The following DOT1L variants were observed in gnomAD, a reference collection of about 807,000 sequenced individuals.
DOT1L encodes DOT1 like histone lysine methyltransferase, also known as histone-lysine N-methyltransferase, H3 lysine-79 specific.
DOT1L carries 33 observed loss-of-function variants against 153.3 expected under a neutral mutation model. The observed-to-expected ratio is 0.22, with a 90% CI of 0.16 to 0.29. The LOEUF is 0.29. Among genes scored for constraint, DOT1L ranks in the 10% least tolerant of loss-of-function variants. DOT1L has a pLI of 1.00. For missense variants in DOT1L, 1,847 were observed against 2,119.9 expected (o/e 0.87, Z 2.53); for synonymous variants, 1,135 against 965.1 (o/e 1.18, Z -3.26).
chr19:2,223,795 C>T (rs1472721880), intron 25 of DOT1L, among the ~76,000 whole-genome samples: 1 of 152,212 alleles, frequency 6.6e-6, no homozygotes, highest in Non-Finnish European at 1.5e-5. Context: ...AGGTCTCATC[C>T]ACACGTCTTG....
chr19:2,206,598 G>A lies in DOT1L; in HGVS notation c.788-131G>A, dbSNP rs2023504931. On this transcript the variant is annotated intron_variant, in intron 9 of 27. Coordinates refer to ENST00000398665, the MANE Select transcript of DOT1L (RefSeq NM_032482.3). ...AAGGTGTTTCCTAGTGTTGCTTGTA[G>A]GCAGGTGGACAGGACCCGGAGCCCA... 8.9e-6 allele frequency: 7 copies of A among 790,470 alleles called. No homozygotes were observed. In the East Asian group the frequency reaches 1.8e-4, roughly 20 times the overall value. 49.0% of individuals were successfully genotyped at this position (790,470 alleles called of 1,614,324 possible).
At chr19:2,167,413 G>C (rs1056702095) in intron 1 of DOT1L, among the ~76,000 whole-genome samples, 14 of 152,362 alleles carry the variant, frequency 9.2e-5, no homozygotes, top group African/African-American at 2.6e-4. Context: ...CATGCCTGCT[G>C]CCCTGCCTGG....
chr19:2,218,422 C>T (rs2023982111), intron 22 of DOT1L, among the ~76,000 whole-genome samples: 2 of 152,212 alleles, frequency 1.3e-5, no homozygotes, highest in Admixed American at 6.5e-5. Context: ...CAGACGGAGT[C>T]TCACTCTGTC....
intron 24 of DOT1L, 152 bp from the exon 25 acceptor site, chr19:2,223,129 C>T (rs987111227): frequency 1.3e-6 from 1 of 760,928 alleles, no homozygotes; most frequent in Non-Finnish European, 2.1e-6. Context: ...CAGGAAGAAC[C>T]AGGACAGGGG....
At position 2,196,226 on chromosome 19, in the gene DOT1L, C is replaced by G. The variant is rs539122165; in HGVS notation, c.651+1649C>G. Among the ~76,000 whole-genome samples the G allele has an allele frequency of 2.6e-5, 4 of 152,394 alleles. No homozygotes were observed. The East Asian group carries it at 7.7e-4, about 29-fold the overall frequency. Reference sequence around the variant, plus strand: ...GGCCCCGATCCCTGGTGGCCCCGACCGGGGTCAGGAGCCCTTGCCAACTGG... The same window carrying G: ...GGCCCCGATCCCTGGTGGCCCCGACGGGGGTCAGGAGCCCTTGCCAACTGG... On this transcript the variant is annotated intron_variant, in intron 7 of 27. Coordinates refer to ENST00000398665, the MANE Select transcript of DOT1L (RefSeq NM_032482.3).
At position 2,220,253 on chromosome 19, in the gene DOT1L, ACT is replaced by A. The variant is rs780462140; in HGVS notation, c.2806+34_2806+35del. The stretch of plus-strand genomic sequence containing the variant: ...GCCCCTCCTGTGCCCTACCCTCAGG[ACT>A]CTGCTGCTGCTGCTGCTCTTCAGGC... On this transcript the variant is annotated intron_variant, in intron 23 of 27. Coordinates refer to ENST00000398665, the MANE Select transcript of DOT1L (RefSeq NM_032482.3). This position sits in a 1 kb window ranked among gnomAD's most constrained non-coding sequence, Gnocchi z 4.5. 6.3e-7 allele frequency: 1 copy of A among 1,590,040 alleles called. No homozygotes were observed. The highest frequency in any genetic ancestry group is 8.6e-7 in the Non-Finnish European group (1 of 1,165,640).
At chr19:2,209,599 G>T (rs1027932939) in intron 12 of DOT1L, among the ~76,000 whole-genome samples, 6 of 152,354 alleles carry the variant, frequency 3.9e-5, no homozygotes, top group African/African-American at 1.4e-4. Context: ...TTAAAGCAGC[G>T]GTGGGAAAGC....
intron 19 of DOT1L, chr19:2,215,573 T>A (rs968712911): frequency 6.6e-6 from 1 of 152,328 alleles, no homozygotes; most frequent in African/African-American, 2.4e-5. Context: ...TTCAAATGAC[T>A]GCACCAAACC....
Position 2,210,771 on chromosome 19 carries a change from G to A in DOT1L, c.1267G>A (p.Glu423Lys), listed in dbSNP as rs761926553. Reference sequence around the variant, plus strand: ...CAAGAAGATGAACACTGCGAACCCCGAGCGGAAGCCCAAGAAGAACCAAAC... The same window carrying A: ...CAAGAAGATGAACACTGCGAACCCCAAGCGGAAGCCCAAGAAGAACCAAAC... ...RPKKMNTANP[E>K]RKPKKNQTAL... The change falls in exon 14 of 28, where the codon GAG becomes AAG. Residue 423 changes from glutamate to lysine, a missense_variant. Coordinates refer to ENST00000398665, the MANE Select transcript of DOT1L (RefSeq NM_032482.3). The A allele has an allele frequency of 1.7e-5, 27 of 1,612,956 alleles. No homozygotes were observed. Among genetic ancestry groups the A allele is most frequent in the Non-Finnish European group, 2.3e-5 (27 of 1,180,006 alleles).
Position 2,209,685 on chromosome 19 carries a change from C to A in DOT1L, c.1005+709C>A, listed in dbSNP as rs59595430. Among the ~76,000 whole-genome samples the A allele has an allele frequency of 6.1e-3, 935 of 152,368 alleles. 7 individuals carry two copies. Among genetic ancestry groups the A allele is most frequent in the African/African-American group, 0.021 (875 of 41,594 alleles). ...CTCAGACCTGCCTGCTTATTTGCCACCAAAGCTGAGAGGATGTTTGTCCGG... is the reference window on the plus strand; with the variant it reads ...CTCAGACCTGCCTGCTTATTTGCCAACAAAGCTGAGAGGATGTTTGTCCGG... On this transcript the variant is annotated intron_variant, in intron 12 of 27. Transcript: ENST00000398665.
In DOT1L at chr19:2,173,307, C is replaced by T. The variant is rs118008856; in HGVS notation, c.82-7406C>T. 6.5e-4 allele frequency among the ~76,000 whole-genome samples: 99 copies of T among 152,264 alleles called. No individual in the cohort carries two copies. The East Asian group carries it at 0.011, about 17-fold the overall frequency. On this transcript the variant is annotated intron_variant, in intron 1 of 27. Coordinates refer to ENST00000398665, the MANE Select transcript of DOT1L (RefSeq NM_032482.3). ...CGGTGTCTGTCAGCCTGTGCTCAGA[C>T]GAGGGCGAGGAGAGTTCTGGTCAGC...
Position 2,207,477 on chromosome 19 carries a change from C to T in DOT1L, c.857-97C>T, listed in dbSNP as rs573880891. The T allele has an allele frequency of 1.6e-5, 16 of 1,029,834 alleles. No homozygotes were observed. The East Asian group carries it at 3.9e-4, about 25-fold the overall frequency. The allele number at this position is 1,029,834 out of a possible 1,614,324, so 63.8% of individuals were successfully genotyped here. A position where few individuals can be genotyped will look rare whatever the true frequency, so the allele number is the denominator to read the frequency against. On this transcript the variant is annotated intron_variant, in intron 10 of 27. Coordinates refer to ENST00000398665, the MANE Select transcript of DOT1L (RefSeq NM_032482.3). This position sits in a 1 kb window ranked among gnomAD's most constrained non-coding sequence, Gnocchi z 4.5. ...GGGAGAAGAGGGAAGACGCGCAGCTCAGGCTTCTGTCCCCACGCCTGCCCT... is the reference window on the plus strand; with the variant it reads ...GGGAGAAGAGGGAAGACGCGCAGCTTAGGCTTCTGTCCCCACGCCTGCCCT...
intron 1 of DOT1L, among the ~76,000 whole-genome samples, chr19:2,166,654 G>T (rs182098535): frequency 6.6e-6 from 1 of 152,176 alleles, no homozygotes; most frequent in Admixed American, 6.5e-5. Flanking sequence ...CAGGTGATCC[G>T]CCTGCCTTGG....
At chr19:2,171,613 ACCG>A (rs1283457789) in intron 1 of DOT1L, among the ~76,000 whole-genome samples, 1 of 152,032 alleles carries the variant, frequency 6.6e-6, no homozygotes, top group African/African-American at 2.4e-5. Flanking sequence ...CCGGGCACCG[ACCG>A]CCGCCGGGTG....
In DOT1L at chr19:2,222,760, C is replaced by T. The variant is rs945845906; in HGVS notation, c.3390+201C>T. The T allele has an allele frequency of 8.3e-5, 49 of 589,086 alleles. No homozygotes were observed. The highest frequency in any genetic ancestry group is 5.6e-4 in the African/African-American group (30 of 53,218). 36.5% of individuals were successfully genotyped at this position (589,086 alleles called of 1,614,324 possible). The stretch of plus-strand genomic sequence containing the variant: ...CCAAAAATACAAAAGATTAGCCGGG[C>T]GTGGTGGCGGGTGCCTGGGAGGCTG... On this transcript the variant is annotated intron_variant, in intron 24 of 27. Coordinates refer to ENST00000398665, the MANE Select transcript of DOT1L (RefSeq NM_032482.3). This position sits in a 1 kb window ranked among gnomAD's most constrained non-coding sequence, Gnocchi z 6.5.
At chr19:2,219,930 C>T (rs2024048738) in intron 22 of DOT1L, among the ~76,000 whole-genome samples, 178 bp from the exon 23 acceptor site, 2 of 152,198 alleles carry the variant, frequency 1.3e-5, no homozygotes, top group Non-Finnish European at 2.9e-5. Flanking sequence ...TCTCGCTGCG[C>T]CACTCGCCTG....
rs2144963965 is a variant in DOT1L at position 2,230,029 on chromosome 19, A to C, written c.*237A>C. The C allele has an allele frequency of 1.5e-6, 1 of 671,244 alleles. No individual in the cohort carries two copies. The highest frequency in any genetic ancestry group is 3.1e-5 in the Admixed American group (1 of 32,200). 41.6% of individuals were successfully genotyped at this position (671,244 alleles called of 1,614,324 possible). On this transcript the variant is annotated 3_prime_UTR_variant, in exon 28 of 28. Transcript: ENST00000398665. Reference sequence around the variant, plus strand: ...TTTTTAAAAAGTATAAACAATTCTGACTTATTTTATTCCATCTAAGTGGTA... The same window carrying C: ...TTTTTAAAAAGTATAAACAATTCTGCCTTATTTTATTCCATCTAAGTGGTA...
At chr19:2,184,341 G>A (rs1234669612) in intron 2 of DOT1L, among the ~76,000 whole-genome samples, 4 of 152,150 alleles carry the variant, frequency 2.6e-5, no homozygotes, top group Admixed American at 2.6e-4. Context: ...CACAGAGGGC[G>A]GATGCCACAG....
chr19:2,201,350 TC>T (rs1181812325), intron 8 of DOT1L, among the ~76,000 whole-genome samples: 1 of 151,794 alleles, frequency 6.6e-6, no homozygotes, highest in Non-Finnish European at 1.5e-5. Context: ...CCCGTCGTCC[TC>T]CCCGCTCCCC....
Sources: allele counts gnomAD v4.1 joint callset (sites outside exome capture counted in the v4.1 genomes callset), GRCh38; gene constraint gnomAD v4.1.1; non-coding constraint Gnocchi (gnomAD v3.1); transcripts MANE v1.5; gene names NCBI Gene and HGNC (gene_info 2026-07-23, HGNC 2026-07-21).